The following DLG1 variants were observed in gnomAD, a reference collection of about 807,000 sequenced individuals.
The protein encoded by DLG1 is disks large homolog 1.
A neutral mutation model predicts 123.4 loss-of-function variants in DLG1; 42 were observed. The ratio of observed to expected loss-of-function variants is 0.34; its 90% CI spans 0.27 to 0.44. DLG1 has a LOEUF of 0.44. DLG1 is among the 20% of genes least tolerant of loss of function. DLG1 has a pLI of 1.00. For synonymous variants in DLG1, 317 were observed against 356.2 expected (o/e 0.89, Z 1.24); for missense variants, 942 against 1,082.6 (o/e 0.87, Z 1.82).
At chr3:197,210,934 T>C (rs951667896) in intron 4 of DLG1, among the ~76,000 whole-genome samples, 2 of 145,436 alleles carry the variant, frequency 1.4e-5, no homozygotes, top group Admixed American at 6.9e-5. Flanking sequence ...ATACAGCAAA[T>C]TGAATATGAA....
At chr3:197,134,852 G>A (rs934958369) in intron 10 of DLG1, among the ~76,000 whole-genome samples, 2 of 152,358 alleles carry the variant, frequency 1.3e-5, no homozygotes, top group Admixed American at 6.5e-5. Context: ...TGCGCCCAGG[G>A]GAGTTGGGTA....
At chr3:197,044,849 C>T (rs1721805503) in intron 24 of DLG1, 120 bp from the exon 25 acceptor site, 1 of 515,794 alleles carries the variant, frequency 1.9e-6, no homozygotes, top group African/African-American at 2.0e-5. Flanking sequence ...GGAAGAATCA[C>T]CATTTACACA....
intron 22 of DLG1, among the ~76,000 whole-genome samples, chr3:197,060,888 T>C (rs2049006): frequency 0.42 from 64,402 of 152,134 alleles, 14,268 homozygotes; most frequent in East Asian, 0.74. Flanking sequence ...TGCAGTGGCA[T>C]GATCTCGGCT....
chr3:197,057,189 C>G (rs1357355891), intron 23 of DLG1, among the ~76,000 whole-genome samples: 2 of 152,112 alleles, frequency 1.3e-5, no homozygotes, highest in Non-Finnish European at 2.9e-5. Flanking sequence ...AAGGGATCCT[C>G]CTGCTTCGGC....
chr3:197,240,001 G>A (rs1395503860), intron 4 of DLG1, among the ~76,000 whole-genome samples: 1 of 152,074 alleles, frequency 6.6e-6, no homozygotes, highest in African/African-American at 2.4e-5. Flanking sequence ...TATAACTCAT[G>A]CTTCCCCATC....
chr3:197,090,797 T>G, intron 15 of DLG1, 115 bp downstream of exon 15: 1 of 554,758 alleles, frequency 1.8e-6, no homozygotes, highest in Non-Finnish European at 3.2e-6. Flanking sequence ...AAAACAACAC[T>G]GATTGGCAAT....
At chr3:197,104,186 T>C (rs1207247516) in intron 14 of DLG1, among the ~76,000 whole-genome samples, 3 of 152,216 alleles carry the variant, frequency 2.0e-5, no homozygotes, top group Non-Finnish European at 4.4e-5. Context: ...AGAAAAAATC[T>C]GGGTGACCTA....
intron 3 of DLG1, 50 bp downstream of exon 3, chr3:197,296,296 A>G: frequency 6.5e-7 from 1 of 1,535,760 alleles, no homozygotes; most frequent in Non-Finnish European, 8.9e-7. Context: ...ATGAATTGAG[A>G]GGAGCATAAA....
chr3:197,260,750 C>CAAAAAAAAAAAAAA, intron 4 of DLG1, among the ~76,000 whole-genome samples: 27 of 18,314 alleles, frequency 1.5e-3, no homozygotes, highest in East Asian at 3.1e-3. Context: ...TGACAACCAC[C>CAAAAAAAAAAAAAA]AAAAAAAAAA....
chr3:197,291,389 A>G (rs964639943), intron 3 of DLG1, among the ~76,000 whole-genome samples: 7 of 152,106 alleles, frequency 4.6e-5, no homozygotes, highest in African/African-American at 1.7e-4. Context: ...ATATAATGCA[A>G]AAGAAATTTA....
intron 4 of DLG1, among the ~76,000 whole-genome samples, chr3:197,254,863 T>C (rs933411595): frequency 6.6e-6 from 1 of 151,922 alleles, no homozygotes; most frequent in Non-Finnish European, 1.5e-5. Context: ...GCCTGGCCAA[T>C]GTGGTGAAAC....
chr3:197,098,681 T>G (rs567238206), intron 14 of DLG1, among the ~76,000 whole-genome samples: 171 of 152,244 alleles, frequency 1.1e-3, no homozygotes, highest in African/African-American at 3.2e-3. Context: ...ATTACAGGTA[T>G]GTACCACCAT....
At chr3:197,125,075 G>A (rs1339095422) in intron 11 of DLG1, among the ~76,000 whole-genome samples, 1 of 152,098 alleles carries the variant, frequency 6.6e-6, no homozygotes. Flanking sequence ...AGTGAAAGTC[G>A]AGTTTCGGGG....
intron 24 of DLG1, among the ~76,000 whole-genome samples, chr3:197,045,706 T>TG (rs1293297547): frequency 6.6e-6 from 1 of 152,172 alleles, no homozygotes; most frequent in African/African-American, 2.4e-5. Flanking sequence ...ATCGTACCAT[T>TG]GGATTGTACC....
At position 197,140,267 on chromosome 3, in the gene DLG1, G is replaced by A. The variant is rs1787302107; in HGVS notation, c.589-3C>T. Reference sequence around the variant, plus strand: ...CTGAAACCAAGCCCTGAATTTCCCTGAGGATAGAAGAAAAAAAATTGAGAC... The same window carrying A: ...CTGAAACCAAGCCCTGAATTTCCCTAAGGATAGAAGAAAAAAAATTGAGAC... On this transcript the variant is annotated splice_polypyrimidine_tract_variant and splice_region_variant and intron_variant, in intron 7 of 24. Transcript: ENST00000667157. 3.1e-6 allele frequency: 5 copies of A among 1,609,830 alleles called. No individual in the cohort carries two copies. The highest frequency in any genetic ancestry group is 2.2e-5 in the South Asian group (2 of 90,184).
intron 4 of DLG1, among the ~76,000 whole-genome samples, chr3:197,220,142 C>T (rs374390856): frequency 6.6e-6 from 1 of 152,114 alleles, no homozygotes; most frequent in Non-Finnish European, 1.5e-5. Context: ...TTGTTTACTG[C>T]TATATACCTA....
intron 4 of DLG1, among the ~76,000 whole-genome samples, chr3:197,220,486 A>G (rs1736387236): frequency 6.6e-6 from 1 of 152,206 alleles, no homozygotes; most frequent in Admixed American, 6.5e-5. Context: ...TATATATCAC[A>G]GTGTAGTTCT....
rs572798566 is a variant in DLG1 at position 197,237,716 on chromosome 3, G to C, written c.319-43127C>G. Among the ~76,000 whole-genome samples the C allele has an allele frequency of 4.6e-5, 7 of 152,298 alleles. No homozygotes were observed. In the East Asian group the frequency reaches 1.4e-3, roughly 29 times the overall value. On this transcript the variant is annotated intron_variant, in intron 4 of 24. Transcript: ENST00000667157. ...CCTCTCCACTGGCCGGGGGTAGAGG[G>C]AATGTTAGAAGAGGTATAGTCAGGA...
At chr3:197,235,416 C>T (rs369639399) in intron 4 of DLG1, among the ~76,000 whole-genome samples, 2 of 152,118 alleles carry the variant, frequency 1.3e-5, no homozygotes, top group African/African-American at 4.8e-5. Flanking sequence ...CAAGGCCAGG[C>T]AAATAAAACT....
Sources: gnomAD v4.1 joint callset for allele counts (sites outside exome capture counted in the v4.1 genomes callset) on GRCh38, gnomAD v4.1.1 for gene constraint, MANE v1.5 for transcripts, NCBI Gene and HGNC (gene_info 2026-07-23, HGNC 2026-07-21) for gene names.